SETD1B: variants seen among roughly 807,000 people sequenced by gnomAD.
SETD1B encodes the protein histone-lysine N-methyltransferase SETD1B.
In SETD1B, 7 loss-of-function variants were observed where a neutral mutation model predicts 148.0. The observed-to-expected ratio is 0.05, with a 90% confidence interval of 0.03 to 0.09. The LOEUF (loss-of-function observed/expected upper bound fraction) is 0.09. Ranked by LOEUF, SETD1B falls within the 10% of genes least tolerant of loss-of-function variation. The pLI is 1.00. For synonymous variants in SETD1B, 1,361 were observed against 1,186.5 expected (o/e 1.15, Z -3.02); for missense variants, 2,155 against 2,729.9 (o/e 0.79, Z 4.69).
In SETD1B at chr12:121,804,329, G is replaced by GGGC. The variant is rs1875591222; in HGVS notation, c.-15+104_-15+106dup. On this transcript the variant is annotated intron_variant, in intron 1 of 16. Transcript: ENST00000604567. The surrounding 1 kb of genome is among the most constrained non-coding windows in gnomAD (Gnocchi z 4.6). Reference sequence around the variant, plus strand: ...GGCCCGAGCGGGCGAGCGGGCGGGCGGGCGGCGGCGCCGCCAGGCCCTGCC... The same window carrying GGGC: ...GGCCCGAGCGGGCGAGCGGGCGGGCGGGCGGCGGCGGCGCCGCCAGGCCCTGCC... 2 of 144,854 alleles carry GGGC rather than the reference G, an allele frequency of 1.4e-5. No homozygotes were observed. Among genetic ancestry groups the GGGC allele is most frequent in the South Asian group, 4.2e-4 (2 of 4,746 alleles). 9.0% of individuals were successfully genotyped at this position (144,854 alleles called of 1,614,324 possible). A position where few individuals can be genotyped will look rare whatever the true frequency, so the allele number is the denominator to read the frequency against.
chr12:121,828,094 C>CCCTGCCCCTGCT (rs777897430), intron 16 of SETD1B, 24 bp downstream of exon 16: 8 of 1,550,118 alleles, frequency 5.2e-6, no homozygotes, highest in Non-Finnish European at 7.0e-6. Flanking sequence ...GGGGGGTGGC[C>CCCTGCCCCTGCT]CCTGCCCCTG....
chr12:121,806,053 G>A lies in SETD1B; in HGVS notation c.492G>A (p.Leu164=). 6.4e-7 allele frequency: 1 copy of A among 1,551,704 alleles called. No individual in the cohort carries two copies. Among genetic ancestry groups the A allele is most frequent in the Middle Eastern group, 1.7e-4 (1 of 5,992 alleles). The change falls in exon 4 of 17, where the codon TTG becomes TTA. Residue 164 remains leucine (L), a synonymous_variant. Coordinates refer to ENST00000604567, the MANE Select transcript of SETD1B (RefSeq NM_001353345.2). ...VRGAKDAVQH[L]HSTSVMGNII... is the part of the protein sequence containing the mutation. Reference sequence around the variant, plus strand: ...GAGCCAAGGATGCCGTTCAGCACTTGCACAGCACTTCCGTCATGGGCAACA... The same window carrying A: ...GAGCCAAGGATGCCGTTCAGCACTTACACAGCACTTCCGTCATGGGCAACA...
At chr12:121,793,146 A>G in the SETD1B span, 1 of 1,549,126 alleles carries the variant, frequency 6.5e-7, no homozygotes, top group Non-Finnish European at 8.7e-7. Context: ...GCGCAGGCGC[A>G]CTCACCGGCC....
In SETD1B at chr12:121,825,332, G is replaced by A. The variant is rs911072915; in HGVS notation, c.5303G>A (p.Arg1768His). Residue 1768 changes from arginine (R) to histidine (H), a missense_variant, in exon 13 of 17, where the codon CGT becomes CAT. Transcript: ENST00000604567. ...AAGCTCAGATACCTCAACAGCAGCC[G>A]TGCCAGCACCGATGAGCCCCCCGCA... ...KDKLRYLNSS[R>H]ASTDEPPADT... 7 of 1,551,208 alleles carry A rather than the reference G, an allele frequency of 4.5e-6. No homozygotes were observed. Among genetic ancestry groups the A allele is most frequent in the East Asian group, 2.4e-5 (1 of 40,936 alleles).
At chr12:121,819,320 G>A (rs887066004) in intron 10 of SETD1B, 84 bp from the exon 11 acceptor site, 2 of 1,533,034 alleles carry the variant, frequency 1.3e-6, no homozygotes, top group Admixed American at 2.2e-5. Context: ...GGTGCCACCA[G>A]TTTGAGGCCA....
chr12:121,832,055 G>A lies in SETD1B; in HGVS notation c.*1816G>A, dbSNP rs1174048832. On this transcript the variant is annotated 3_prime_UTR_variant, in exon 17 of 17. Coordinates refer to ENST00000604567, the MANE Select transcript of SETD1B (RefSeq NM_001353345.2). ...CGGTTTTCTGCCTAATTGTGCAACT[G>A]AGGAAATAATTTATTTTTCACATGA... is the stretch of plus-strand genomic sequence containing the variant. 6.6e-6 allele frequency: 1 copy of A among 152,310 alleles called. No homozygotes were observed. The highest frequency in any genetic ancestry group is 1.9e-4 in the East Asian group (1 of 5,196). 9.4% of individuals were successfully genotyped at this position (152,310 alleles called of 1,614,324 possible). A position where few individuals can be genotyped will look rare whatever the true frequency, so the allele number is the denominator to read the frequency against.
At chr12:121,818,434 G>A (rs1876403509) in intron 10 of SETD1B, among the ~76,000 whole-genome samples, 1 of 151,812 alleles carries the variant, frequency 6.6e-6, no homozygotes, top group African/African-American at 2.4e-5. Context: ...GTGGTGGTGG[G>A]CACCTGTAAT....
intron 4 of SETD1B, 113 bp downstream of exon 4, chr12:121,806,218 C>A (rs188685769): frequency 3.3e-6 from 4 of 1,204,416 alleles, no homozygotes; most frequent in Non-Finnish European, 3.5e-6. Context: ...GGATCCCCCC[C>A]CACAACCTTA....
chr12:121,806,648 A>C (rs750542727), intron 4 of SETD1B, among the ~76,000 whole-genome samples: 1 of 152,322 alleles, frequency 6.6e-6, no homozygotes, highest in Middle Eastern at 3.4e-3. Flanking sequence ...GGTTCTCGAC[A>C]GAGCCGCCGG....
At chr12:121,795,054 C>A in the SETD1B span, among the ~76,000 whole-genome samples, 1 of 152,154 alleles carries the variant, frequency 6.6e-6, no homozygotes, top group Non-Finnish European at 1.5e-5. Flanking sequence ...CCTGGCAGTT[C>A]CATGGTCAAG....
At chr12:121,802,830 TAG>T (rs971524735), upstream of SETD1B, 22 of 152,318 alleles carry the variant, frequency 1.4e-4, no homozygotes, top group African/African-American at 5.1e-4. Context: ...AACTGGATGG[TAG>T]AGTCAAAGGA....
the SETD1B span, chr12:121,793,967 A>C: frequency 4.3e-6 from 1 of 234,702 alleles, no homozygotes; most frequent in Non-Finnish European, 8.2e-6. Flanking sequence ...CAGCGACTCC[A>C]GGTGCCCCTG....
chr12:121,818,718 G>A (rs1363987162), intron 10 of SETD1B, among the ~76,000 whole-genome samples: 10 of 151,574 alleles, frequency 6.6e-5, no homozygotes, highest in East Asian at 3.9e-4. Flanking sequence ...GTGAAACCCC[G>A]TCTCTAATAA....
Position 121,823,079 on chromosome 12 carries a change from G to GC in SETD1B, c.4502dup (p.Pro1502ThrfsTer65). 2 of 1,434,184 alleles carry GC rather than the reference G, an allele frequency of 1.4e-6. No homozygotes were observed. The highest frequency in any genetic ancestry group is 1.4e-5 in the South Asian group (1 of 71,426). 88.8% of individuals were successfully genotyped at this position (1,434,184 alleles called of 1,614,324 possible). A position where few individuals can be genotyped will look rare whatever the true frequency, so the allele number is the denominator to read the frequency against. On this transcript the variant is annotated frameshift_variant, in exon 12 of 17. Transcript: ENST00000604567. LOFTEE classifies it high-confidence loss of function. ...CCCAGGCTCGTGCGCCCACCCCGCT[G>GC]CCACCCCTGCTGCCCGCCCCCCTGG...
chr12:121,806,953 GCCAGCCAGCT>G (rs1260590940), intron 4 of SETD1B, among the ~76,000 whole-genome samples: 1 of 152,180 alleles, frequency 6.6e-6, no homozygotes, highest in Non-Finnish European at 1.5e-5. Context: ...TGCTTTGAGG[GCCAGCCAGCT>G]TGTGGGGAGA....
intron 4 of SETD1B, 127 bp downstream of exon 4, chr12:121,806,232 C>G (rs970445262): frequency 2.9e-6 from 3 of 1,035,996 alleles, no homozygotes; most frequent in Non-Finnish European, 4.1e-6. Context: ...AACCTTATTT[C>G]TTAGCCCCCT....
At chr12:121,811,473 A>G (rs926718865) in intron 6 of SETD1B, among the ~76,000 whole-genome samples, 1 of 152,094 alleles carries the variant, frequency 6.6e-6, no homozygotes, top group Non-Finnish European at 1.5e-5. Context: ...AGAAAAAGGC[A>G]AAGTTGACCA....
the SETD1B span, chr12:121,793,605 G>A: frequency 6.4e-7 from 1 of 1,550,472 alleles, no homozygotes. Context: ...GGGGGCGGCG[G>A]TCTGGGCCAG....
At chr12:121,827,891 C>T (rs1362884568) in intron 15 of SETD1B, 37 bp downstream of exon 15, 1 of 1,552,502 alleles carries the variant, frequency 6.4e-7, no homozygotes, top group Non-Finnish European at 8.7e-7. Context: ...CCGGGGTGGG[C>T]ATGGGGCCGG....
Sources: allele counts gnomAD v4.1 joint callset (sites outside exome capture counted in the v4.1 genomes callset), GRCh38; gene constraint gnomAD v4.1.1; non-coding constraint Gnocchi (gnomAD v3.1); transcripts MANE v1.5; gene names NCBI Gene and HGNC (gene_info 2026-07-23, HGNC 2026-07-21).